Variants in CCSER1 observed in about 807,000 individuals in gnomAD.
CCSER1 encodes the protein coiled-coil serine rich protein 1, also known as serine-rich coiled-coil domain-containing protein 1.
In CCSER1, 41 loss-of-function variants were observed where a neutral mutation model predicts 82.0. That is an observed-to-expected ratio of 0.50 (90% CI 0.39 to 0.65). The LOEUF (loss-of-function observed/expected upper bound fraction) is 0.65, where lower values mean the gene tolerates loss of function less well. CCSER1 is among the 30% of genes least tolerant of loss of function. The pLI is 0.00. For missense variants in CCSER1, 1,119 were observed against 1,064.2 expected (o/e 1.05, Z -0.72); for synonymous variants, 414 against 383.9 (o/e 1.08, Z -0.92).
chr4:90,839,501 GT>G (rs1762291234), intron 8 of CCSER1, among the ~76,000 whole-genome samples: 1 of 152,192 alleles, frequency 6.6e-6, no homozygotes, highest in Non-Finnish European at 1.5e-5. Context: ...CAGCTTCATT[GT>G]TGCATCGTAC....
chr4:90,914,709 T>C (rs1237737397), intron 8 of CCSER1, among the ~76,000 whole-genome samples: 1 of 123,376 alleles, frequency 8.1e-6, no homozygotes, highest in Non-Finnish European at 1.6e-5. Flanking sequence ...CCAGGAGCTT[T>C]TTATTGAAAA....
intron 5 of CCSER1, among the ~76,000 whole-genome samples, chr4:90,612,415 T>A (rs1433539606): frequency 2.6e-5 from 4 of 152,142 alleles, no homozygotes; most frequent in African/African-American, 9.7e-5. Flanking sequence ...GCCTTTCTCA[T>A]GAACAAAGAC....
chr4:90,479,822 T>C (rs1765658374), intron 5 of CCSER1, among the ~76,000 whole-genome samples: 1 of 152,214 alleles, frequency 6.6e-6, no homozygotes, highest in Admixed American at 6.5e-5. Context: ...TTGTGAATAG[T>C]GCCGCAATAA....
chr4:90,745,938 G>A (rs1472954707), intron 7 of CCSER1, among the ~76,000 whole-genome samples: 1 of 151,802 alleles, frequency 6.6e-6, no homozygotes, highest in Non-Finnish European at 1.5e-5. Flanking sequence ...CTGACCTCGT[G>A]ATCTGCCCGC....
intron 10 of CCSER1, among the ~76,000 whole-genome samples, chr4:91,228,186 G>A (rs1738354503): frequency 6.6e-6 from 1 of 151,986 alleles, no homozygotes; most frequent in African/African-American, 2.4e-5. Flanking sequence ...CATGATTTGA[G>A]TAAACATATG....
At chr4:91,195,602 G>A (rs1735342781) in intron 10 of CCSER1, among the ~76,000 whole-genome samples, 1 of 152,110 alleles carries the variant, frequency 6.6e-6, no homozygotes, top group Admixed American at 6.5e-5. Context: ...TAACCTTCTT[G>A]AAACTGCTTT....
chr4:91,279,877 A>AT (rs1173559023), intron 10 of CCSER1, among the ~76,000 whole-genome samples: 1 of 151,500 alleles, frequency 6.6e-6, no homozygotes, highest in Non-Finnish European at 1.5e-5. Flanking sequence ...ACTTCTTTCT[A>AT]TTTTTTGAAT....
intron 10 of CCSER1, among the ~76,000 whole-genome samples, chr4:91,221,795 G>A (rs1172259737): frequency 6.6e-6 from 1 of 152,012 alleles, no homozygotes; most frequent in Admixed American, 6.6e-5. Flanking sequence ...CTCTAATGCT[G>A]GAAACAGTCC....
chr4:90,978,659 GA>G (rs1216491523), intron 9 of CCSER1, among the ~76,000 whole-genome samples: 1 of 151,730 alleles, frequency 6.6e-6, no homozygotes, highest in Admixed American at 6.6e-5. Context: ...CTCAAAATTA[GA>G]TTTTGTGATG....
At chr4:91,380,799 C>G (rs1379374323) in intron 10 of CCSER1, among the ~76,000 whole-genome samples, 1 of 152,164 alleles carries the variant, frequency 6.6e-6, no homozygotes, top group Non-Finnish European at 1.5e-5. Flanking sequence ...ATGATATTAG[C>G]TGGTTATTTT....
At chr4:90,792,302 AC>A (rs1207330934) in intron 7 of CCSER1, among the ~76,000 whole-genome samples, 3 of 152,208 alleles carry the variant, frequency 2.0e-5, no homozygotes. Flanking sequence ...AAAATAGGGT[AC>A]TATGTATATT....
intron 10 of CCSER1, among the ~76,000 whole-genome samples, chr4:91,205,496 C>G (rs748401906): frequency 1.4e-4 from 21 of 151,740 alleles, no homozygotes; most frequent in Non-Finnish European, 2.5e-4. Context: ...TGACAAGAAC[C>G]CTCATCATTA....
At chr4:91,439,907 A>G (rs1324633039) in intron 10 of CCSER1, among the ~76,000 whole-genome samples, 3 of 152,216 alleles carry the variant, frequency 2.0e-5, no homozygotes, top group East Asian at 1.9e-4. Flanking sequence ...TACAACAAGA[A>G]GAACTAACTA....
At chr4:90,981,217 A>C (rs1736086292) in intron 9 of CCSER1, among the ~76,000 whole-genome samples, 1 of 151,810 alleles carries the variant, frequency 6.6e-6, no homozygotes, top group Non-Finnish European at 1.5e-5. Flanking sequence ...TGCAAACTTT[A>C]TTTCTTTTCT....
intron 3 of CCSER1, among the ~76,000 whole-genome samples, chr4:90,329,806 C>T (rs1371239382): frequency 6.6e-6 from 1 of 152,156 alleles, no homozygotes; most frequent in East Asian, 1.9e-4. Context: ...AGCATCTGCT[C>T]AGAAGACAGG....
intron 1 of CCSER1, among the ~76,000 whole-genome samples, chr4:90,161,660 A>G (rs1729472175): frequency 6.6e-6 from 1 of 152,156 alleles, no homozygotes; most frequent in South Asian, 2.1e-4. Flanking sequence ...TTTTAAGCAC[A>G]AGCAAATATT....
chr4:91,506,118 T>C (rs1007649256), intron 10 of CCSER1, among the ~76,000 whole-genome samples: 2 of 152,152 alleles, frequency 1.3e-5, no homozygotes, highest in African/African-American at 2.4e-5. Context: ...GTATAAGGTG[T>C]AAGGAAGGGG....
At chr4:90,475,835 GTCTCTAAAGCCAATTAAA>G (rs1267140595) in intron 5 of CCSER1, among the ~76,000 whole-genome samples, 1 of 152,160 alleles carries the variant, frequency 6.6e-6, no homozygotes, top group Non-Finnish European at 1.5e-5. Context: ...CAATTTGCTA[GTCTCTAAAGCCAATTAAA>G]TCTCCTTAAA....
At chr4:90,934,881 A>C (rs139577169) in intron 9 of CCSER1, among the ~76,000 whole-genome samples, 1,817 of 152,254 alleles carry the variant, frequency 0.012, 30 homozygotes, top group African/African-American at 0.04. Flanking sequence ...CAGTGAGCCT[A>C]GATTGTGCCA....
Sources: allele counts gnomAD v4.1 joint callset (sites outside exome capture counted in the v4.1 genomes callset), GRCh38; gene constraint gnomAD v4.1.1; transcripts MANE v1.5; gene names NCBI Gene and HGNC (gene_info 2026-07-23, HGNC 2026-07-21).